URB1: variants seen among roughly 807,000 people sequenced by gnomAD.
URB1 encodes the protein nucleolar pre-ribosomal-associated protein 1.
In URB1, 197 loss-of-function variants were observed where a neutral mutation model predicts 242.3. The ratio of observed to expected loss-of-function variants is 0.81; its 90% confidence interval spans 0.72 to 0.91. The LOEUF (loss-of-function observed/expected upper bound fraction) is 0.91, where lower values mean the gene tolerates loss of function less well. URB1 is among the 40% of genes least tolerant of loss of function. URB1 has a pLI of 0.00. For synonymous variants in URB1, 1,153 were observed against 1,201.8 expected (o/e 0.96, Z 0.84); for missense variants, 2,721 against 2,860.5 (o/e 0.95, Z 1.11).
In URB1 at chr21:32,359,817, C is replaced by T. The variant is rs751761989; in HGVS notation, c.1848G>A (p.Lys616=). The change falls in exon 14 of 39, where the codon AAG becomes AAA. Residue 616 remains lysine (K), a synonymous_variant. Coordinates refer to ENST00000382751, the MANE Select transcript of URB1 (RefSeq NM_014825.3). ...LKVALELPAS[K]FLWLKAQEGP... ...CTACCTGTGCCTTTAACCACAGAAA[C>T]TTGCTGGCCGGCAGCTCCAGGGCCA... The T allele has an allele frequency of 2.7e-5, 41 of 1,546,734 alleles. No individual in the cohort carries two copies. The highest frequency in any genetic ancestry group is 4.9e-5 in the East Asian group (2 of 40,668).
chr21:32,316,523 G>C lies in URB1; in HGVS notation c.6577C>G (p.Pro2193Ala). The change falls in exon 38 of 39, where the codon CCG (proline) becomes GCG (alanine). Residue 2193 changes from proline to alanine, a missense_variant. Physicochemically the swap from Pro to Ala is conservative, Grantham distance 27 (BLOSUM62 -1). Transcript: ENST00000382751. ...AQGRAGSPFH[P>A]AMEALSLSSL... ...GACAGGGAGAGGGCTTCCATGGCCG[G>C]GTGGAAGGGGCTCCCTGCCCGGCCC... 1 of 1,549,676 alleles carries C rather than the reference G, an allele frequency of 6.5e-7. No individual in the cohort carries two copies. The highest frequency in any genetic ancestry group is 8.7e-7 in the Non-Finnish European group (1 of 1,146,178).
In URB1 at chr21:32,352,884, C is replaced by G; in HGVS notation, c.2439G>C (p.Leu813=). The change falls in exon 19 of 39, where the codon CTG becomes CTC. Residue 813 remains leucine (L), a synonymous_variant. Coordinates refer to ENST00000382751, the MANE Select transcript of URB1 (RefSeq NM_014825.3). ...NEAAENVVTY[L]TAVLTDLLHT... ...GGAGGAGGTCAGTCAGCACTGCCGT[C>G]AGATATGTCACAACGTTTTCCGCTG... The G allele has an allele frequency of 6.5e-7, 1 of 1,550,034 alleles. No individual in the cohort carries two copies. The highest frequency in any genetic ancestry group is 8.7e-7 in the Non-Finnish European group (1 of 1,146,164).
chr21:32,378,743 G>T (rs1023469177), intron 4 of URB1, among the ~76,000 whole-genome samples: 1 of 152,056 alleles, frequency 6.6e-6, no homozygotes, highest in East Asian at 1.9e-4. Context: ...CTCTTTCCCC[G>T]GTAATCTTCT....
intron 18 of URB1, 70 bp downstream of exon 18, chr21:32,353,863 A>C (rs2033186797): frequency 1.4e-6 from 2 of 1,473,456 alleles, no homozygotes; most frequent in Non-Finnish European, 1.8e-6. Flanking sequence ...AGCCCCTGGA[A>C]TCCCACCTCC....
chr21:32,343,316 T>C (rs1337689227), intron 24 of URB1, among the ~76,000 whole-genome samples: 2 of 152,158 alleles, frequency 1.3e-5, no homozygotes, highest in Non-Finnish European at 2.9e-5. Context: ...CATCATACAG[T>C]AGAATTCTAC....
At chr21:32,319,825 A>G (rs74314761) in intron 35 of URB1, among the ~76,000 whole-genome samples, 1,765 of 152,250 alleles carry the variant, frequency 0.012, 49 homozygotes, top group East Asian at 0.11. Context: ...TTGTTTGCAG[A>G]TGTACTTGGA....
intron 22 of URB1, among the ~76,000 whole-genome samples, 166 bp downstream of exon 22, chr21:32,346,790 G>A (rs1177920228): frequency 6.6e-6 from 1 of 152,168 alleles, no homozygotes; most frequent in Non-Finnish European, 1.5e-5. Context: ...CAGGGTACTG[G>A]GGAGAATTAC....
intron 30 of URB1, among the ~76,000 whole-genome samples, chr21:32,327,126 A>C (rs1204451744): frequency 6.6e-6 from 1 of 152,218 alleles, no homozygotes; most frequent in Non-Finnish European, 1.5e-5. Context: ...TAAGAATATC[A>C]TGCAAGCATC....
chr21:32,382,655 G>A (rs1376994121), intron 4 of URB1, among the ~76,000 whole-genome samples: 1 of 152,124 alleles, frequency 6.6e-6, no homozygotes, highest in East Asian at 1.9e-4. Flanking sequence ...TTCAGGAAGA[G>A]GGTGACACTC....
At chr21:32,339,658 T>C (rs1264905317) in intron 25 of URB1, among the ~76,000 whole-genome samples, 2 of 152,040 alleles carry the variant, frequency 1.3e-5, no homozygotes, top group African/African-American at 4.8e-5. Flanking sequence ...ACCTGGCTAA[T>C]TTTTTCATAT....
At chr21:32,384,124 T>A (rs898582653) in intron 3 of URB1, among the ~76,000 whole-genome samples, 189 bp downstream of exon 3, 2 of 151,982 alleles carry the variant, frequency 1.3e-5, no homozygotes, top group African/African-American at 4.8e-5. Context: ...AAGGGGTAAG[T>A]AAGAGAGGAG....
intron 10 of URB1, among the ~76,000 whole-genome samples, chr21:32,365,042 G>A (rs962840063): frequency 6.6e-5 from 10 of 152,252 alleles, no homozygotes; most frequent in Middle Eastern, 3.2e-3. Context: ...CCCTCTAGGG[G>A]CACAACCCTT....
In URB1 at chr21:32,352,919, G is replaced by C; in HGVS notation, c.2417-13C>G. On this transcript the variant is annotated splice_polypyrimidine_tract_variant and intron_variant, in intron 18 of 38. Transcript: ENST00000382751. ...ACAACGTTTTCCGCTGCAAAGGAAC[G>C]AGATGCATATGGGAAGAGGCTGGCT... The C allele has an allele frequency of 6.5e-7, 1 of 1,531,666 alleles. No homozygotes were observed. Among genetic ancestry groups the C allele is most frequent in the Non-Finnish European group, 8.8e-7 (1 of 1,136,370 alleles). The allele number at this position is 1,531,666 out of a possible 1,614,324, so 94.9% of individuals were successfully genotyped here. A position where few individuals can be genotyped will look rare whatever the true frequency, so the allele number is the denominator to read the frequency against.
At position 32,373,782 on chromosome 21, in the gene URB1, T is replaced by C. The variant is rs1162796715; in HGVS notation, c.751-10A>G. The C allele has an allele frequency of 2.0e-6, 3 of 1,505,804 alleles. No homozygotes were observed. Among genetic ancestry groups the C allele is most frequent in the Non-Finnish European group, 1.8e-6 (2 of 1,131,854 alleles). The allele number at this position is 1,505,804 out of a possible 1,614,324, so 93.3% of individuals were successfully genotyped here. ...TTTTATTGTGAACTACCTGAAACAA[T>C]AATAAAACAAATTATTAAAAAACAA... is the stretch of plus-strand genomic sequence containing the variant. On this transcript the variant is annotated splice_polypyrimidine_tract_variant and intron_variant, in intron 6 of 38. Transcript: ENST00000382751.
Position 32,311,880 on chromosome 21 carries a change from G to C in URB1, c.*3038C>G, listed in dbSNP as rs1449480412. Reference sequence around the variant, plus strand: ...GAGCTCCTCCACCTTGCCCCTCGGGGGTTTCCAGACCCACCCCACTCTCCT... The same window carrying C: ...GAGCTCCTCCACCTTGCCCCTCGGGCGTTTCCAGACCCACCCCACTCTCCT... On this transcript the variant is annotated 3_prime_UTR_variant, in exon 39 of 39. Coordinates refer to ENST00000382751, the MANE Select transcript of URB1 (RefSeq NM_014825.3). The C allele has an allele frequency of 1.9e-6, 3 of 1,614,054 alleles. No homozygotes were observed. Among genetic ancestry groups the C allele is most frequent in the South Asian group, 1.1e-5 (1 of 91,086 alleles).
intron 6 of URB1, among the ~76,000 whole-genome samples, 154 bp downstream of exon 6, chr21:32,375,244 C>G (rs2033446253): frequency 1.3e-5 from 2 of 152,196 alleles, no homozygotes; most frequent in South Asian, 4.1e-4. Context: ...TCAACAAGAA[C>G]AAGTTTCTGC....
intron 30 of URB1, among the ~76,000 whole-genome samples, chr21:32,331,242 A>C (rs1173481440): frequency 1.3e-5 from 2 of 152,178 alleles, no homozygotes. Flanking sequence ...GAACTGCAAC[A>C]GTTCTCCCTC....
chr21:32,355,659 A>G, intron 15 of URB1, 94 bp from the exon 16 acceptor site: 5 of 1,039,090 alleles, frequency 4.8e-6, no homozygotes, highest in Non-Finnish European at 7.2e-6. Flanking sequence ...CCCAGGCTGG[A>G]GTGCAGTGGC....
intron 16 of URB1, 93 bp downstream of exon 16, chr21:32,355,356 T>C: frequency 9.0e-7 from 1 of 1,113,358 alleles, no homozygotes; most frequent in Non-Finnish European, 1.3e-6. Context: ...AGAAGCCTTT[T>C]GGTGCTGGTG....
Sources: gnomAD v4.1 joint callset for allele counts (sites outside exome capture counted in the v4.1 genomes callset) on GRCh38, gnomAD v4.1.1 for gene constraint, MANE v1.5 for transcripts, NCBI Gene and HGNC (gene_info 2026-07-23, HGNC 2026-07-21) for gene names.